Variants in GRIK4 observed in about 807,000 individuals in gnomAD.
The protein encoded by GRIK4 is glutamate ionotropic receptor kainate type subunit 4, also known as glutamate receptor ionotropic, kainate 4.
In GRIK4, 40 loss-of-function variants were observed where a neutral mutation model predicts 104.9. That is an observed-to-expected ratio of 0.38 (90% confidence interval 0.30 to 0.50). GRIK4 has a LOEUF of 0.50. Among genes scored for constraint, GRIK4 ranks in the 20% least tolerant of loss-of-function variants. GRIK4 has a pLI of 0.93. For synonymous variants in GRIK4, 485 were observed against 524.9 expected, an observed-to-expected ratio of 0.92 and a Z score of 1.04; for missense variants, 1,047 against 1,308.1, an observed-to-expected ratio of 0.80 and a Z score of 3.08.
At chr11:120,779,194 C>T (rs1285860477) in intron 3 of GRIK4, among the ~76,000 whole-genome samples, 3 of 152,136 alleles carry the variant, frequency 2.0e-5, no homozygotes, top group South Asian at 2.1e-4. Flanking sequence ...GACAGGGGAC[C>T]GACCAACCAT....
chr11:120,864,566 G>T (rs1277779262), intron 9 of GRIK4, among the ~76,000 whole-genome samples: 1 of 152,160 alleles, frequency 6.6e-6, no homozygotes, highest in Non-Finnish European at 1.5e-5. Flanking sequence ...AAACTTGAAA[G>T]GCTTGCAGTA....
intron 3 of GRIK4, among the ~76,000 whole-genome samples, chr11:120,670,760 G>GT (rs1950002515): frequency 2.0e-5 from 3 of 151,932 alleles, no homozygotes; most frequent in African/African-American, 7.3e-5. Flanking sequence ...GAATGTGCAG[G>GT]TTTGTTACAT....
In GRIK4 at chr11:120,905,662, G is replaced by A. The variant is rs1476511442; in HGVS notation, c.1476+169G>A. ...AAATCTTGCCTGGACTGGCACAGAC[G>A]TGCGGTGGTGGATAAGCCTGCAATG... On this transcript the variant is annotated intron_variant, in intron 13 of 20. Transcript: ENST00000527524. The surrounding 1 kb of genome is among the most constrained non-coding windows in gnomAD (Gnocchi z 5.1). 6.6e-6 allele frequency among the ~76,000 whole-genome samples: 1 copy of A among 152,216 alleles called. No individual in the cohort carries two copies. Among genetic ancestry groups the A allele is most frequent in the Non-Finnish European group, 1.5e-5 (1 of 68,046 alleles).
intron 6 of GRIK4, among the ~76,000 whole-genome samples, chr11:120,825,812 A>G (rs1049383504): frequency 9.9e-5 from 15 of 152,226 alleles, no homozygotes; most frequent in Admixed American, 9.8e-4. Flanking sequence ...TGGGCCCAGA[A>G]CACGATACCA....
chr11:120,574,884 A>G (rs1232922090), intron 1 of GRIK4, among the ~76,000 whole-genome samples: 1 of 151,724 alleles, frequency 6.6e-6, no homozygotes, highest in East Asian at 1.9e-4. Context: ...AGCACCTACT[A>G]TATGCCTGAG....
intron 9 of GRIK4, among the ~76,000 whole-genome samples, chr11:120,867,300 C>G (rs1954448073): frequency 6.6e-6 from 1 of 152,172 alleles, no homozygotes; most frequent in Non-Finnish European, 1.5e-5. Context: ...ACAGCACAAA[C>G]AGCCCAGCTC....
At chr11:120,620,894 GA>G (rs1949178696) in intron 1 of GRIK4, among the ~76,000 whole-genome samples, 1 of 152,154 alleles carries the variant, frequency 6.6e-6, no homozygotes, top group Non-Finnish European at 1.5e-5. Flanking sequence ...ACCATCCAGT[GA>G]AGTAGATATC....
At chr11:120,558,711 A>G (rs1948210811) in intron 1 of GRIK4, among the ~76,000 whole-genome samples, 1 of 152,270 alleles carries the variant, frequency 6.6e-6, no homozygotes, top group Non-Finnish European at 1.5e-5. Flanking sequence ...ATGATGGAAA[A>G]TTAACAAAGT....
chr11:120,600,764 A>G (rs1314613767), intron 1 of GRIK4, among the ~76,000 whole-genome samples: 2 of 152,216 alleles, frequency 1.3e-5, no homozygotes, highest in Non-Finnish European at 2.9e-5. Flanking sequence ...CTTCAAAAAG[A>G]TTAAGAACTC....
At chr11:120,925,715 T>G (rs1042691775) in intron 13 of GRIK4, among the ~76,000 whole-genome samples, 3 of 152,218 alleles carry the variant, frequency 2.0e-5, no homozygotes, top group African/African-American at 7.2e-5. Flanking sequence ...CTCACGCCTG[T>G]AATCCCAGTA....
At chr11:120,645,572 G>T (rs1327489487) in intron 1 of GRIK4, among the ~76,000 whole-genome samples, 1 of 152,108 alleles carries the variant, frequency 6.6e-6, no homozygotes, top group African/African-American at 2.4e-5. Flanking sequence ...ACCCGGATGG[G>T]ACTTCAATGC....
At chr11:120,626,445 G>A (rs1565579474) in intron 1 of GRIK4, among the ~76,000 whole-genome samples, 1 of 152,196 alleles carries the variant, frequency 6.6e-6, no homozygotes, top group African/African-American at 2.4e-5. Context: ...ACCCTTAGAC[G>A]AGAGAGTGGC....
chr11:120,874,390 A>G (rs1400749946), intron 10 of GRIK4, among the ~76,000 whole-genome samples, 172 bp downstream of exon 10: 1 of 152,220 alleles, frequency 6.6e-6, no homozygotes, highest in African/African-American at 2.4e-5. Flanking sequence ...CATGAGCCAC[A>G]TTTGTTCCCT....
At chr11:120,968,980 G>A (rs1292970520) in intron 19 of GRIK4, among the ~76,000 whole-genome samples, 1 of 152,062 alleles carries the variant, frequency 6.6e-6, no homozygotes, top group Non-Finnish European at 1.5e-5. Flanking sequence ...AGAACTTCAG[G>A]GCAGTCTGAT....
chr11:120,866,110 A>T (rs539667348), intron 9 of GRIK4, among the ~76,000 whole-genome samples: 3 of 152,296 alleles, frequency 2.0e-5, no homozygotes, highest in East Asian at 1.9e-4. Context: ...CACCCGGGTC[A>T]CTGCCACATG....
intron 4 of GRIK4, among the ~76,000 whole-genome samples, chr11:120,814,124 T>C (rs12289919): frequency 0.095 from 14,525 of 152,246 alleles, 2,188 homozygotes; most frequent in African/African-American, 0.32. Context: ...TGCATTGTGC[T>C]GGACACTGAA....
chr11:120,877,008 C>T (rs777914480), intron 11 of GRIK4, among the ~76,000 whole-genome samples: 31 of 152,126 alleles, frequency 2.0e-4, no homozygotes, highest in Non-Finnish European at 3.2e-4. Context: ...TCTAGGAGAT[C>T]GTAATTATGC....
chr11:120,962,833 T>G (rs1194253287), intron 18 of GRIK4, 152 bp downstream of exon 18: 3 of 544,248 alleles, frequency 5.5e-6, no homozygotes, highest in African/African-American at 3.8e-5. Flanking sequence ...GTTTTTTTTT[T>G]TTTTTTAAAG....
chr11:120,571,792 G>A lies in GRIK4; in HGVS notation c.-159+59905G>A, dbSNP rs376446720. Among the ~76,000 whole-genome samples, 32 of 152,262 alleles carry A rather than the reference G, an allele frequency of 2.1e-4. No homozygotes were observed. The East Asian group carries it at 6.0e-3, about 29-fold the overall frequency. On this transcript the variant is annotated intron_variant, in intron 1 of 20. Coordinates refer to ENST00000527524, the MANE Select transcript of GRIK4 (RefSeq NM_014619.5). ...TAGGGCCTGGGTTGCCAGGACAGAA[G>A]CCCCAGGTCTGTGAGGTGACCTGGG...
Sources: allele counts gnomAD v4.1 joint callset (sites outside exome capture counted in the v4.1 genomes callset), GRCh38; gene constraint gnomAD v4.1.1; non-coding constraint Gnocchi (gnomAD v3.1); transcripts MANE v1.5; gene names NCBI Gene and HGNC (gene_info 2026-07-23, HGNC 2026-07-21).